The following GPC6 variants were observed in gnomAD, a reference collection of about 807,000 sequenced individuals.
The protein encoded by GPC6 is glypican-6.
In GPC6, 14 loss-of-function variants were observed where a neutral mutation model predicts 55.2. That is an observed-to-expected ratio of 0.25 (90% CI 0.17 to 0.40). GPC6 has a LOEUF of 0.40. Among genes scored for constraint, GPC6 ranks in the 10% least tolerant of loss-of-function variants. The probability of loss-of-function intolerance (pLI) is 1.00; values close to 1 mark genes in which losing one functional copy is unlikely to be tolerated. For missense variants in GPC6, 641 were observed against 708.5 expected (o/e 0.90, Z 1.08); for synonymous variants, 278 against 259.6 (o/e 1.07, Z -0.68).
At chr13:93,918,458 TAA>T (rs35508835) in intron 3 of GPC6, among the ~76,000 whole-genome samples, 1 of 146,920 alleles carries the variant, frequency 6.8e-6, no homozygotes, top group Non-Finnish European at 1.5e-5. Flanking sequence ...AAAAGAAGGT[TAA>T]AAAAAAAAAG....
At chr13:93,920,756 T>A (rs1022595145) in intron 3 of GPC6, among the ~76,000 whole-genome samples, 3 of 152,202 alleles carry the variant, frequency 2.0e-5, no homozygotes, top group African/African-American at 7.2e-5. Context: ...CATGTCAATT[T>A]TCTCTGCTTT....
At chr13:93,353,605 C>T (rs1331377343) in intron 1 of GPC6, among the ~76,000 whole-genome samples, 1 of 152,186 alleles carries the variant, frequency 6.6e-6, no homozygotes, top group Admixed American at 6.5e-5. Context: ...AGAACAATCA[C>T]TTGTTTTATG....
intron 2 of GPC6, among the ~76,000 whole-genome samples, chr13:93,798,391 C>G (rs1488778601): frequency 6.6e-6 from 1 of 152,062 alleles, no homozygotes; most frequent in East Asian, 1.9e-4. Flanking sequence ...GAATTTTAAA[C>G]CCTGTAAAAT....
intron 4 of GPC6, among the ~76,000 whole-genome samples, chr13:94,034,265 A>G (rs1311348393): frequency 1.7e-5 from 2 of 115,872 alleles, no homozygotes; most frequent in Non-Finnish European, 4.1e-5. Flanking sequence ...AAGAAAGAAA[A>G]GAGTTGGCTG....
intron 2 of GPC6, among the ~76,000 whole-genome samples, chr13:93,633,659 T>TA (rs1156735909): frequency 6.7e-6 from 1 of 150,086 alleles, no homozygotes; most frequent in African/African-American, 2.4e-5. Context: ...AATAAATAAA[T>TA]AAATAAATAA....
At chr13:93,326,525 C>T (rs767197524) in intron 1 of GPC6, among the ~76,000 whole-genome samples, 1 of 152,170 alleles carries the variant, frequency 6.6e-6, no homozygotes, top group South Asian at 2.1e-4. Context: ...GGAGTAGAAC[C>T]GTTTACAGAT....
At chr13:94,177,072 A>C (rs909962713) in intron 4 of GPC6, among the ~76,000 whole-genome samples, 4 of 152,234 alleles carry the variant, frequency 2.6e-5, no homozygotes, top group Non-Finnish European at 5.9e-5. Context: ...TTAGAAACCC[A>C]TTCAGAAGAT....
Position 94,055,717 on chromosome 13 carries a change from A to G in GPC6, c.877+27823A>G, listed in dbSNP as rs140966876. On this transcript the variant is annotated intron_variant, in intron 4 of 8. Transcript: ENST00000377047. ...CCTGGAATTTACTGATTCTCCAATA[A>G]GCCCAACTCAGTAGATTTAACTAGT... 2.8e-3 allele frequency among the ~76,000 whole-genome samples: 424 copies of G among 152,336 alleles called. 2 individuals are homozygous for G. The highest frequency in any genetic ancestry group is 9.9e-3 in the African/African-American group (412 of 41,584).
chr13:93,740,059 A>T (rs992936764), intron 2 of GPC6, among the ~76,000 whole-genome samples: 2 of 152,100 alleles, frequency 1.3e-5, no homozygotes, highest in Admixed American at 1.3e-4. Context: ...TTTATTTGGG[A>T]CTTCACCATC....
intron 6 of GPC6, among the ~76,000 whole-genome samples, chr13:94,360,875 C>T (rs9589970): frequency 0.055 from 8,308 of 152,214 alleles, 645 homozygotes; most frequent in African/African-American, 0.17. Flanking sequence ...AAACCAGGCC[C>T]TACTACTTGT....
intron 2 of GPC6, among the ~76,000 whole-genome samples, chr13:93,557,339 C>G (rs537439040): frequency 6.6e-6 from 1 of 151,848 alleles, no homozygotes; most frequent in South Asian, 2.1e-4. Flanking sequence ...ATTTAGAGTA[C>G]AAGTAGAAGC....
At chr13:93,851,124 A>T (rs982373635) in intron 3 of GPC6, among the ~76,000 whole-genome samples, 4 of 151,680 alleles carry the variant, frequency 2.6e-5, no homozygotes, top group African/African-American at 7.2e-5. Flanking sequence ...AGGACTTTTT[A>T]AAAAATCACT....
At chr13:93,692,218 C>G (rs969265678) in intron 2 of GPC6, among the ~76,000 whole-genome samples, 1 of 152,010 alleles carries the variant, frequency 6.6e-6, no homozygotes, top group Non-Finnish European at 1.5e-5. Context: ...TTTCTGTATT[C>G]CAACATGACT....
chr13:93,597,647 G>T, intron 2 of GPC6, among the ~76,000 whole-genome samples: 1 of 152,084 alleles, frequency 6.6e-6, no homozygotes, highest in Admixed American at 6.6e-5. Flanking sequence ...TCAGCGTGAA[G>T]ACCTTTATGA....
chr13:93,617,784 C>T (rs1036749178), intron 2 of GPC6, among the ~76,000 whole-genome samples: 8 of 152,040 alleles, frequency 5.3e-5, no homozygotes, highest in African/African-American at 1.9e-4. Context: ...AGAGAATACT[C>T]TATAACCTAT....
At chr13:93,924,473 A>G (rs910206099) in intron 3 of GPC6, among the ~76,000 whole-genome samples, 1 of 152,182 alleles carries the variant, frequency 6.6e-6, no homozygotes, top group African/African-American at 2.4e-5. Flanking sequence ...TTCAAATTCT[A>G]TTATGGATTT....
At chr13:93,367,332 A>G (rs1025118874) in intron 1 of GPC6, among the ~76,000 whole-genome samples, 6 of 152,088 alleles carry the variant, frequency 3.9e-5, no homozygotes, top group Non-Finnish European at 5.9e-5. Context: ...TATTTTTGTC[A>G]TACCTCTTTT....
At chr13:94,293,394 T>A (rs1169573712) in intron 5 of GPC6, among the ~76,000 whole-genome samples, 2 of 152,184 alleles carry the variant, frequency 1.3e-5, no homozygotes, top group Non-Finnish European at 2.9e-5. Flanking sequence ...CATAAGTGTT[T>A]GACAGTTCCT....
At chr13:93,685,574 C>T (rs1056304583) in intron 2 of GPC6, among the ~76,000 whole-genome samples, 1 of 152,136 alleles carries the variant, frequency 6.6e-6, no homozygotes, top group African/African-American at 2.4e-5. Flanking sequence ...ATTATAAACA[C>T]ATTACTCTAT....
Sources: gnomAD v4.1 joint callset for allele counts (sites outside exome capture counted in the v4.1 genomes callset) on GRCh38, gnomAD v4.1.1 for gene constraint, MANE v1.5 for transcripts, NCBI Gene and HGNC (gene_info 2026-07-23, HGNC 2026-07-21) for gene names.